The following BCL2 variants were observed in gnomAD, a reference collection of about 807,000 sequenced individuals.
The protein encoded by BCL2 is BCL2 apoptosis regulator, also known as apoptosis regulator Bcl-2.
In BCL2, 1 loss-of-function variant was observed where a neutral mutation model predicts 14.2. The observed-to-expected ratio is 0.07, with a 90% confidence interval of 0.02 to 0.33. The LOEUF (loss-of-function observed/expected upper bound fraction) is 0.33, where lower values mean the gene tolerates loss of function less well. BCL2 is among the 10% of genes least tolerant of loss of function. BCL2 has a pLI of 0.99. For synonymous variants in BCL2, 151 were observed against 137.2 expected (o/e 1.10, Z -0.70); for missense variants, 247 against 305.9 (o/e 0.81, Z 1.44).
chr18:63,165,802 G>C (rs949176928), intron 2 of BCL2, among the ~76,000 whole-genome samples: 4 of 152,174 alleles, frequency 2.6e-5, no homozygotes, highest in African/African-American at 9.7e-5. Flanking sequence ...GCAGGGGAGG[G>C]GGGTGGAATC....
intron 2 of BCL2, among the ~76,000 whole-genome samples, chr18:63,286,629 CCT>C (rs1452435007): frequency 2.0e-5 from 3 of 151,868 alleles, no homozygotes; most frequent in Non-Finnish European, 4.4e-5. Context: ...TATACAATGA[CCT>C]CTGAGCCAAC....
rs145153751 is a variant in BCL2, at chr18:63,268,578, A to C, written c.585+49504T>G. Among the ~76,000 whole-genome samples, 289 of 152,316 alleles carry C rather than the reference A, an allele frequency of 1.9e-3. 1 individual carries two copies. Among genetic ancestry groups the C allele is most frequent in the African/African-American group, 6.8e-3 (284 of 41,572 alleles). ...CTCCAAACCTCCTTCTGGCTCTAAA[A>C]TTTTGTGAGTCTAGTTCTGAGCAAG... On this transcript the variant is annotated intron_variant, in intron 2 of 2. Transcript: ENST00000333681.
intron 2 of BCL2, among the ~76,000 whole-genome samples, chr18:63,154,138 C>A (rs896316952): frequency 6.6e-6 from 1 of 152,132 alleles, no homozygotes; most frequent in South Asian, 2.1e-4. Context: ...CCCTTGACAG[C>A]CCTCAGCCTA....
chr18:63,198,159 G>C (rs1568230936), intron 2 of BCL2, among the ~76,000 whole-genome samples: 5 of 150,998 alleles, frequency 3.3e-5, no homozygotes, highest in African/African-American at 1.2e-4. Context: ...AAGATGTAGA[G>C]ACACACACAC....
intron 2 of BCL2, among the ~76,000 whole-genome samples, chr18:63,181,182 G>A (rs1915473445): frequency 3.9e-5 from 6 of 152,148 alleles, no homozygotes; most frequent in Admixed American, 3.9e-4. Context: ...CTAATTTGGA[G>A]GATGCCAGTT....
chr18:63,181,732 C>G (rs1023175126), intron 2 of BCL2, among the ~76,000 whole-genome samples: 1 of 152,178 alleles, frequency 6.6e-6, no homozygotes, highest in African/African-American at 2.4e-5. Flanking sequence ...CCTGCAAGTA[C>G]GATTTGACGT....
intron 2 of BCL2, among the ~76,000 whole-genome samples, chr18:63,231,527 A>G (rs1167754248): frequency 6.6e-6 from 1 of 152,114 alleles, no homozygotes; most frequent in East Asian, 1.9e-4. Context: ...AGATTAATAT[A>G]CAAACATCCA....
At chr18:63,307,556 A>AT (rs535917597) in intron 2 of BCL2, among the ~76,000 whole-genome samples, 8 of 152,258 alleles carry the variant, frequency 5.3e-5, no homozygotes, top group African/African-American at 1.9e-4. Context: ...AATGGCTGTC[A>AT]TTTTTTTCCC....
At chr18:63,186,172 CT>C (rs1915589577) in intron 2 of BCL2, among the ~76,000 whole-genome samples, 1 of 152,184 alleles carries the variant, frequency 6.6e-6, no homozygotes, top group African/African-American at 2.4e-5. Context: ...TAAAATAGCA[CT>C]TGCTTTTCTC....
intron 2 of BCL2, among the ~76,000 whole-genome samples, chr18:63,303,408 T>A (rs2144288597): frequency 6.6e-6 from 1 of 152,334 alleles, no homozygotes; most frequent in South Asian, 2.1e-4. Flanking sequence ...AACTTAAAAT[T>A]ACATGTTGTA....
intron 2 of BCL2, among the ~76,000 whole-genome samples, chr18:63,183,151 C>T (rs141567112): frequency 6.6e-5 from 10 of 152,232 alleles, no homozygotes; most frequent in Admixed American, 2.6e-4. Flanking sequence ...ACCTTCCACC[C>T]GAAGTAAGAT....
intron 2 of BCL2, among the ~76,000 whole-genome samples, chr18:63,285,262 G>A (rs1471723080): frequency 6.6e-6 from 1 of 152,232 alleles, no homozygotes; most frequent in Non-Finnish European, 1.5e-5. Flanking sequence ...CAGGGAATGA[G>A]GGCCCGTTGT....
Position 63,165,495 on chromosome 18 carries a change from G to A in BCL2, c.586-36736C>T, listed in dbSNP as rs115171781. Reference sequence around the variant, plus strand: ...TGTTTATCCCTCCAACCACATCCCTGGCCAATGGCTGCTTCTGCTTCCATA... The same window carrying A: ...TGTTTATCCCTCCAACCACATCCCTAGCCAATGGCTGCTTCTGCTTCCATA... On this transcript the variant is annotated intron_variant, in intron 2 of 2. Transcript: ENST00000333681. Among the ~76,000 whole-genome samples, 735 of 152,238 alleles carry A rather than the reference G, an allele frequency of 4.8e-3. 3 individuals are homozygous for A. The highest frequency in any genetic ancestry group is 0.017 in the African/African-American group (703 of 41,536).
intron 2 of BCL2, among the ~76,000 whole-genome samples, chr18:63,131,374 G>C (rs1158781209): frequency 6.6e-6 from 1 of 152,190 alleles, no homozygotes; most frequent in Non-Finnish European, 1.5e-5. Flanking sequence ...TTAGAAAAGC[G>C]AGGCAATAGA....
chr18:63,168,434 G>A (rs1168277554), intron 2 of BCL2, among the ~76,000 whole-genome samples: 1 of 152,160 alleles, frequency 6.6e-6, no homozygotes, highest in Non-Finnish European at 1.5e-5. Context: ...CACTGGAACT[G>A]ATCGCCCAGG....
At chr18:63,249,330 C>T (rs1278701535) in intron 2 of BCL2, among the ~76,000 whole-genome samples, 1 of 152,220 alleles carries the variant, frequency 6.6e-6, no homozygotes, top group South Asian at 2.1e-4. Flanking sequence ...TACTGTTAAT[C>T]TCCTAGTCTC....
chr18:63,263,960 G>A (rs1327971065), intron 2 of BCL2, among the ~76,000 whole-genome samples: 1 of 152,162 alleles, frequency 6.6e-6, no homozygotes, highest in African/African-American at 2.4e-5. Context: ...AGCAGAGACC[G>A]GGTTTCACCA....
chr18:63,159,053 C>A (rs962788947), intron 2 of BCL2, among the ~76,000 whole-genome samples: 1 of 152,160 alleles, frequency 6.6e-6, no homozygotes, highest in Non-Finnish European at 1.5e-5. Flanking sequence ...CACAAAAACA[C>A]AACTGAAAGA....
intron 2 of BCL2, among the ~76,000 whole-genome samples, chr18:63,293,686 T>A (rs563736185): frequency 6.6e-6 from 1 of 152,266 alleles, no homozygotes; most frequent in African/African-American, 2.4e-5. Context: ...GACAAGTACA[T>A]ATAGAAATAT....
Sources: gnomAD v4.1 joint callset for allele counts (sites outside exome capture counted in the v4.1 genomes callset) on GRCh38, gnomAD v4.1.1 for gene constraint, MANE v1.5 for transcripts, NCBI Gene and HGNC (gene_info 2026-07-23, HGNC 2026-07-21) for gene names.